Variants in APC observed in about 807,000 individuals in gnomAD.
APC encodes the protein adenomatous polyposis coli protein.
A neutral mutation model predicts 247.0 loss-of-function variants in APC; 72 were observed. The observed-to-expected ratio is 0.29, with a 90% confidence interval of 0.24 to 0.35. The LOEUF (loss-of-function observed/expected upper bound fraction) is 0.35. APC is among the 10% of genes least tolerant of loss of function. The probability of loss-of-function intolerance (pLI) is 1.00; values close to 1 mark genes in which losing one functional copy is unlikely to be tolerated. For missense variants in APC, 3,400 were observed against 3,360.7 expected, an observed-to-expected ratio of 1.01 and a Z score of -0.29; for synonymous variants, 1,254 against 1,162.5, an observed-to-expected ratio of 1.08 and a Z score of -1.60.
In APC at chr5:112,841,932, G is replaced by A. The variant is rs1766189874; in HGVS notation, c.6338G>A (p.Ser2113Asn). The A allele has an allele frequency of 6.2e-7, 1 of 1,613,944 alleles. No individual in the cohort carries two copies. The highest frequency in any genetic ancestry group is 8.5e-7 in the Non-Finnish European group (1 of 1,179,944). Reference sequence around the variant, plus strand: ...CAGGAAGGTGCAAATTCCATAGTAAGTAGTTTACATCAAGCTGCTGCTGCT... The same window carrying A: ...CAGGAAGGTGCAAATTCCATAGTAAATAGTTTACATCAAGCTGCTGCTGCT... ...AIQEGANSIV[S>N]SLHQAAAAAC... The change falls in exon 16 of 16, where the codon AGT becomes AAT. Residue 2113 changes from serine to asparagine, a missense_variant. By Grantham distance (46) the Ser-to-Asn change is conservative. This residue lies in a region of APC where 1,788 missense variants were observed against 1,649.5 expected (regional missense o/e 1.08). Transcript: ENST00000257430. The surrounding 1 kb of genome is among the most constrained non-coding windows in gnomAD (Gnocchi z 4.6).
chr5:112,831,101 A>G (rs1764246972), intron 14 of APC, among the ~76,000 whole-genome samples: 1 of 151,434 alleles, frequency 6.6e-6, no homozygotes, highest in Admixed American at 6.6e-5. Context: ...AAGGACCTAA[A>G]CTCTTCTATA....
upstream of APC, among the ~76,000 whole-genome samples, chr5:112,735,502 T>TAC (rs1752337280): frequency 6.9e-6 from 1 of 145,142 alleles, no homozygotes; most frequent in South Asian, 2.1e-4. Context: ...AATGCATACA[T>TAC]ATATATATAT....
At chr5:112,815,357 A>G (rs1401741501) in intron 8 of APC, 138 bp from the exon 9 acceptor site, 6 of 602,740 alleles carry the variant, frequency 1.0e-5, no homozygotes, top group Non-Finnish European at 1.8e-5. Context: ...AATATTTTGA[A>G]CAGTTATAAT....
At position 112,816,798 on chromosome 5, in the gene APC, GA is replaced by G. The variant is rs200654701; in HGVS notation, c.933+1215del. The stretch of plus-strand genomic sequence containing the variant: ...ACAAGAGCAAAACTCCATTTCAAAA[GA>G]AAAAAAAAAGAGGAAAATATAGTTA... On this transcript the variant is annotated intron_variant, in intron 9 of 15. Transcript: ENST00000257430. 1.4e-4 allele frequency among the ~76,000 whole-genome samples: 19 copies of G among 140,702 alleles called. No homozygotes were observed. In the East Asian group the frequency reaches 1.4e-3, roughly 11 times the overall value. The allele number at this position is 140,702 out of a possible 152,430, so 92.3% of individuals were successfully genotyped here.
chr5:112,831,546 T>C (rs1225489653), intron 14 of APC, among the ~76,000 whole-genome samples: 5 of 152,346 alleles, frequency 3.3e-5, no homozygotes, highest in East Asian at 1.9e-4. Flanking sequence ...TCTTCTTCTC[T>C]TTTTCATTCA....
At chr5:112,820,181 TGACA>T (rs1424740367) in intron 10 of APC, among the ~76,000 whole-genome samples, 1 of 132,746 alleles carries the variant, frequency 7.5e-6, no homozygotes, top group African/African-American at 3.6e-5. Context: ...TGATAAGAAC[TGACA>T]CACACACACA....
Position 112,764,619 on chromosome 5 carries a change from G to T in APC, c.136-1707G>T, listed in dbSNP as rs145554697. On this transcript the variant is annotated intron_variant, in intron 2 of 15. Transcript: ENST00000257430. ...TCATACAGATGTAAAGCATCCATCA[G>T]TTGGTTGGAAAAGTGAGTCTGAAGT... Among the ~76,000 whole-genome samples, 67 of 152,362 alleles carry T rather than the reference G, an allele frequency of 4.4e-4. 1 individual carries two copies. Among genetic ancestry groups the T allele is most frequent in the African/African-American group, 1.5e-3 (64 of 41,584 alleles).
intron 10 of APC, among the ~76,000 whole-genome samples, 186 bp downstream of exon 10, chr5:112,819,530 A>G (rs1034066374): frequency 2.0e-5 from 3 of 152,216 alleles, no homozygotes; most frequent in African/African-American, 7.2e-5. Context: ...AGCAAAGGAA[A>G]ATGTTATGTG....
rs1050315854 is a variant in APC, at chr5:112,795,859, A to C, written c.729+3330A>C. Among the ~76,000 whole-genome samples, 6 of 152,352 alleles carry C rather than the reference A, an allele frequency of 3.9e-5. No homozygotes were observed. The East Asian group carries it at 5.8e-4, about 15-fold the overall frequency. On this transcript the variant is annotated intron_variant, in intron 7 of 15. Transcript: ENST00000257430. The stretch of plus-strand genomic sequence containing the variant: ...ACTCAAGACCCAGGGGATATAATAC[A>C]AGAGAAAGAGATGAGTGAAACTACA...
rs2149925734 is a variant in APC at position 112,840,454 on chromosome 5, A to G, written c.4860A>G (p.Ser1620=). The change falls in exon 16 of 16, where the codon TCA becomes TCG. Residue 1620 remains serine (S), a synonymous_variant. Transcript: ENST00000257430. The surrounding 1 kb of genome is among the most constrained non-coding windows in gnomAD (Gnocchi z 4.1). The part of the protein sequence containing the change: ...SQLPVYKLLP[S]QNRLQPQKHV... ...TGCCTGTGTACAAACTTCTACCATC[A>G]CAAAACAGGTTGCAACCCCAAAAGC... 1 of 1,614,212 alleles carries G rather than the reference A, an allele frequency of 6.2e-7. No individual in the cohort carries two copies. Among genetic ancestry groups the G allele is most frequent in the Non-Finnish European group, 8.5e-7 (1 of 1,180,030 alleles).
intron 2 of APC, among the ~76,000 whole-genome samples, chr5:112,759,607 C>A (rs904650445): frequency 6.6e-6 from 1 of 151,974 alleles, no homozygotes; most frequent in African/African-American, 2.4e-5. Flanking sequence ...CCTCCTGCCT[C>A]GGCCTCCAAA....
intron 6 of APC, among the ~76,000 whole-genome samples, chr5:112,790,396 G>C (rs1251480802): frequency 6.6e-6 from 1 of 152,066 alleles, no homozygotes; most frequent in African/African-American, 2.4e-5. Flanking sequence ...CATGATCTCA[G>C]CTCACTGCAA....
At chr5:112,780,270 A>C (rs968711952) in intron 5 of APC, among the ~76,000 whole-genome samples, 3 of 152,122 alleles carry the variant, frequency 2.0e-5, no homozygotes, top group Non-Finnish European at 2.9e-5. Flanking sequence ...TCTTTCTTAC[A>C]TGTAGGCTTT....
At chr5:112,780,925 G>C in intron 6 of APC, 22 bp downstream of exon 6, 1 of 1,476,516 alleles carries the variant, frequency 6.8e-7, no homozygotes, top group Non-Finnish European at 9.4e-7. Context: ...GTTTCTAAGT[G>C]ATAAAACAGC....
chr5:112,809,765 G>T (rs1271114840), intron 8 of APC, among the ~76,000 whole-genome samples: 1 of 152,190 alleles, frequency 6.6e-6, no homozygotes, highest in Non-Finnish European at 1.5e-5. Context: ...ACTTTGGGAG[G>T]CCGAGATGGG....
At chr5:112,769,312 A>C (rs1756760642) in intron 4 of APC, among the ~76,000 whole-genome samples, 1 of 151,984 alleles carries the variant, frequency 6.6e-6, no homozygotes, top group Non-Finnish European at 1.5e-5. Context: ...TGGCCTCCCA[A>C]AGTTTTGGGA....
chr5:112,814,452 T>A (rs1391463379), intron 8 of APC, among the ~76,000 whole-genome samples: 1 of 152,156 alleles, frequency 6.6e-6, no homozygotes, highest in South Asian at 2.1e-4. Context: ...GCTTGACACC[T>A]CCAAGTTGTC....
Position 112,839,912 on chromosome 5 carries a change from C to G in APC, c.4318C>G (p.Pro1440Ala). The change falls in exon 16 of 16, where the codon CCA becomes GCA. Residue 1440 changes from proline (P) to alanine (A), a missense_variant. By Grantham distance (27) the Pro-to-Ala change is conservative. This residue lies in a region of APC where 1,788 missense variants were observed against 1,649.5 expected (regional missense o/e 1.08). Coordinates refer to ENST00000257430, the MANE Select transcript of APC (RefSeq NM_000038.6). The surrounding 1 kb of genome is among the most constrained non-coding windows in gnomAD (Gnocchi z 5.0). ...TMPPSRSKTP[P>A]PPPQTAQTKR... ...GCCACCAAGCAGAAGTAAAACACCT[C>G]CACCACCTCCTCAAACAGCTCAAAC... 1 of 1,614,040 alleles carries G rather than the reference C, an allele frequency of 6.2e-7. No individual in the cohort carries two copies. The highest frequency in any genetic ancestry group is 8.5e-7 in the Non-Finnish European group (1 of 1,179,998).
At chr5:112,768,245 G>C (rs556359017) in intron 4 of APC, among the ~76,000 whole-genome samples, 1 of 151,640 alleles carries the variant, frequency 6.6e-6, no homozygotes, top group South Asian at 2.1e-4. Flanking sequence ...GTTTCACCAT[G>C]TTGGTCAGGC....
Sources: allele counts gnomAD v4.1 joint callset (sites outside exome capture counted in the v4.1 genomes callset), GRCh38; gene constraint gnomAD v4.1.1; regional missense constraint gnomAD v4.1.1; non-coding constraint Gnocchi (gnomAD v3.1); transcripts MANE v1.5; gene names NCBI Gene and HGNC (gene_info 2026-07-23, HGNC 2026-07-21).